The following NSD1 variants were observed in gnomAD, a reference collection of about 807,000 sequenced individuals.
NSD1 encodes the protein nuclear receptor binding SET domain protein 1.
A neutral mutation model predicts 242.7 loss-of-function variants in NSD1; 26 were observed. That is an observed-to-expected ratio of 0.11 (90% CI 0.08 to 0.15). The LOEUF is 0.15. Ranked by LOEUF, NSD1 falls within the 10% of genes least tolerant of loss-of-function variation. NSD1 has a pLI of 1.00. For synonymous variants in NSD1, 1,106 were observed against 1,178.1 expected (o/e 0.94, Z 1.25); for missense variants, 2,495 against 3,272.8 (o/e 0.76, Z 5.80).
At chr5:177,206,197 A>G (rs1476076949) in intron 4 of NSD1, among the ~76,000 whole-genome samples, 1 of 152,066 alleles carries the variant, frequency 6.6e-6, no homozygotes, top group Non-Finnish European at 1.5e-5. Context: ...ACAGGGTTTC[A>G]CCATGTTGGC....
intron 5 of NSD1, among the ~76,000 whole-genome samples, chr5:177,227,856 G>A (rs1469504068): frequency 2.0e-5 from 3 of 151,642 alleles, no homozygotes; most frequent in African/African-American, 7.3e-5. Context: ...AGTTAGGCAG[G>A]AGAATTGCTT....
chr5:177,252,344 T>C (rs1173763372), intron 12 of NSD1, among the ~76,000 whole-genome samples: 1 of 152,182 alleles, frequency 6.6e-6, no homozygotes, highest in Non-Finnish European at 1.5e-5. Flanking sequence ...TACATGAGCA[T>C]GTTTACTTCA....
In NSD1 at chr5:177,294,267, C is replaced by T. The variant is rs371532898; in HGVS notation, c.6899C>T (p.Ala2300Val). The T allele has an allele frequency of 1.2e-6, 2 of 1,613,450 alleles. No individual in the cohort carries two copies. Among genetic ancestry groups the T allele is most frequent in the Admixed American group, 3.3e-5 (2 of 59,988 alleles). ...CCTTTAGATAAGGTCAGAGACCTCG[C>T]TGGGTCAGGGACCAAATCCCAATCC... ...PQPLDKVRDL[A>V]GSGTKSQSLV... The change falls in exon 23 of 23, where the codon GCT becomes GTT. Residue 2300 changes from alanine to valine, a missense_variant. Transcript: ENST00000439151.
chr5:177,266,101 T>C (rs879153387), intron 14 of NSD1: 10 of 1,125,798 alleles, frequency 8.9e-6, no homozygotes, highest in Admixed American at 1.7e-5. Context: ...TCACATACAG[T>C]GTGGCCCGTT....
Position 177,298,934 on chromosome 5 carries a change from C to T in NSD1, c.*3475C>T. The T allele has an allele frequency of 4.3e-6, 1 of 233,138 alleles. No homozygotes were observed. 14.4% of individuals were successfully genotyped at this position (233,138 alleles called of 1,614,324 possible). A position where few individuals can be genotyped will look rare whatever the true frequency, so the allele number is the denominator to read the frequency against. On this transcript the variant is annotated 3_prime_UTR_variant, in exon 23 of 23. Coordinates refer to ENST00000439151, the MANE Select transcript of NSD1 (RefSeq NM_022455.5). ...GGTTTATCAGCCAGGTTAGAGGAGC[C>T]CAGTGTCCTAACCTCTCTCAGATCA...
chr5:177,268,582 A>G (rs1311724938), intron 15 of NSD1, among the ~76,000 whole-genome samples: 1 of 152,182 alleles, frequency 6.6e-6, no homozygotes, highest in Non-Finnish European at 1.5e-5. Flanking sequence ...TGTACCTCCC[A>G]CTTAAAGAAA....
chr5:177,288,713 T>C (rs1759538413), intron 20 of NSD1, 106 bp from the exon 21 acceptor site: 1 of 825,192 alleles, frequency 1.2e-6, no homozygotes, highest in African/African-American at 1.7e-5. Context: ...GCTAAATTCT[T>C]TTTAAAATTA....
At chr5:177,224,495 A>G (rs1357517899) in intron 5 of NSD1, among the ~76,000 whole-genome samples, 1 of 151,898 alleles carries the variant, frequency 6.6e-6, no homozygotes, top group African/African-American at 2.4e-5. Flanking sequence ...ATATTATTTT[A>G]ATATTTAATA....
chr5:177,181,741 T>C (rs1159000755), intron 2 of NSD1, among the ~76,000 whole-genome samples: 1 of 151,698 alleles, frequency 6.6e-6, no homozygotes, highest in Admixed American at 6.6e-5. Context: ...GTGGTCTTAC[T>C]TTAAGAAATT....
chr5:177,265,285 A>G, intron 14 of NSD1: 1 of 682,612 alleles, frequency 1.5e-6, no homozygotes, highest in Non-Finnish European at 2.6e-6. Context: ...GTTAAAAAAA[A>G]AAAGCAAAAG....
intron 5 of NSD1, among the ~76,000 whole-genome samples, chr5:177,231,233 G>A (rs62397231): frequency 0.23 from 35,438 of 151,294 alleles, 5,531 homozygotes; most frequent in Middle Eastern, 0.36. Context: ...CTACAGGCGC[G>A]TGCCACCACA....
chr5:177,180,400 C>T (rs1012448490), intron 2 of NSD1, among the ~76,000 whole-genome samples: 5 of 152,014 alleles, frequency 3.3e-5, no homozygotes, highest in Admixed American at 3.3e-4. Context: ...GCCACTGCAC[C>T]TGGCCTACTC....
upstream of NSD1, among the ~76,000 whole-genome samples, chr5:177,132,696 C>T (rs1013512441): frequency 6.6e-6 from 1 of 152,042 alleles, no homozygotes; most frequent in African/African-American, 2.4e-5. The surrounding 1 kb of genome is among the most constrained non-coding windows in gnomAD (Gnocchi z 7.5). Flanking sequence ...CGCCTGGCTT[C>T]GTTCCCCCGC....
chr5:177,185,143 G>A (rs886617981), intron 2 of NSD1, among the ~76,000 whole-genome samples: 3 of 152,088 alleles, frequency 2.0e-5, no homozygotes, highest in African/African-American at 7.2e-5. Context: ...ACCTCAAGTT[G>A]TGTATCACTA....
Position 177,210,810 on chromosome 5 carries a change from C to G in NSD1, c.2411C>G (p.Pro804Arg). ...GAAAATCCAGTTATGGCAGAACCCC[C>G]AGTTATAAATGAGGAGTGCAGTTTG... Reference protein sequence around the residue: ...HKENPVMAEPPVINEECSLKC... With the variant: ...HKENPVMAEPRVINEECSLKC... The change falls in exon 5 of 23, where the codon CCA becomes CGA. Residue 804 changes from proline (P) to arginine (R), a missense_variant. Pro to Arg is a moderately radical substitution (Grantham distance 103, BLOSUM62 -2). Coordinates refer to ENST00000439151, the MANE Select transcript of NSD1 (RefSeq NM_022455.5). 1 of 1,614,132 alleles carries G rather than the reference C, an allele frequency of 6.2e-7. No homozygotes were observed. Among genetic ancestry groups the G allele is most frequent in the Non-Finnish European group, 8.5e-7 (1 of 1,180,010 alleles).
intron 2 of NSD1, among the ~76,000 whole-genome samples, chr5:177,187,491 T>C (rs1019278592): frequency 3.9e-5 from 6 of 152,096 alleles, no homozygotes; most frequent in African/African-American, 1.4e-4. Context: ...GTAAGCAAAA[T>C]AATGTATGTG....
At chr5:177,152,148 C>CCG (rs1757764087) in intron 2 of NSD1, among the ~76,000 whole-genome samples, 1 of 152,084 alleles carries the variant, frequency 6.6e-6, no homozygotes, top group Non-Finnish European at 1.5e-5. Context: ...GTGTGAGCCA[C>CCG]TGCACCTGGC....
intron 2 of NSD1, among the ~76,000 whole-genome samples, chr5:177,181,427 G>GTTTTTTTTTTTTTTT (rs34848476): frequency 1.4e-4 from 17 of 117,334 alleles, no homozygotes; most frequent in Non-Finnish European, 2.0e-4. Context: ...TTTTTTTTTG[G>GTTTTTTTTTTTTTTT]TTTTTTTTTT....
At chr5:177,143,983 C>G (rs184949823) in intron 2 of NSD1, among the ~76,000 whole-genome samples, 1 of 151,932 alleles carries the variant, frequency 6.6e-6, no homozygotes, top group Non-Finnish European at 1.5e-5. Flanking sequence ...TGGGGTTCAC[C>G]ACGTTGGCCA....
Sources: gnomAD v4.1 joint callset for allele counts (sites outside exome capture counted in the v4.1 genomes callset) on GRCh38, gnomAD v4.1.1 for gene constraint, Gnocchi (gnomAD v3.1) non-coding constraint, MANE v1.5 for transcripts, NCBI Gene and HGNC (gene_info 2026-07-23, HGNC 2026-07-21) for gene names.